TIMP2: variants seen among roughly 807,000 people sequenced by gnomAD.
TIMP2 encodes the protein metalloproteinase inhibitor 2.
In TIMP2, 5 loss-of-function variants were observed where a neutral mutation model predicts 24.3. The observed-to-expected ratio is 0.21, with a 90% CI of 0.11 to 0.43. TIMP2 has a LOEUF of 0.43. TIMP2 is among the 20% of genes least tolerant of loss of function. TIMP2 has a pLI of 1.00. For missense variants in TIMP2, 221 were observed against 297.5 expected (o/e 0.74, Z 1.89); for synonymous variants, 130 against 123.2 (o/e 1.06, Z -0.37).
intron 3 of TIMP2, among the ~76,000 whole-genome samples, chr17:78,864,403 TCCTTCCTC>T: frequency 6.9e-6 from 1 of 145,722 alleles, no homozygotes; most frequent in East Asian, 2.2e-4. Context: ...CTTCCTTCCT[TCCTTCCTC>T]CCTTCCTGTT....
intron 1 of TIMP2, among the ~76,000 whole-genome samples, chr17:78,880,015 A>T (rs115360218): frequency 0.015 from 2,234 of 152,020 alleles, 67 homozygotes; most frequent in African/African-American, 0.051. Context: ...CCCCTGGAAA[A>T]CCATCAGAGG....
At chr17:78,860,052 T>G (rs558075321) in intron 3 of TIMP2, among the ~76,000 whole-genome samples, 1 of 152,196 alleles carries the variant, frequency 6.6e-6, no homozygotes, top group African/African-American at 2.4e-5. Flanking sequence ...GGCGGGTGCC[T>G]GTAGTCCCAG....
Position 78,920,736 on chromosome 17 carries a change from T to C in TIMP2, c.130+4223A>G, listed in dbSNP as rs2070302698. ...TTTCGAAAGTTTATCTGTTGTTAATTATTTACCGAAACCACACTGAGTGGA... is the reference window on the plus strand; with the variant it reads ...TTTCGAAAGTTTATCTGTTGTTAATCATTTACCGAAACCACACTGAGTGGA... On this transcript the variant is annotated intron_variant, in intron 1 of 4. Coordinates refer to ENST00000262768, the MANE Select transcript of TIMP2 (RefSeq NM_003255.5). This position sits in a 1 kb window ranked among gnomAD's most constrained non-coding sequence, Gnocchi z 4.5. 6.6e-6 allele frequency among the ~76,000 whole-genome samples: 1 copy of C among 152,166 alleles called. No homozygotes were observed. Among genetic ancestry groups the C allele is most frequent in the Non-Finnish European group, 1.5e-5 (1 of 68,040 alleles).
intron 1 of TIMP2, among the ~76,000 whole-genome samples, chr17:78,893,894 C>T (rs2069958176): frequency 1.3e-5 from 2 of 152,096 alleles, no homozygotes; most frequent in Non-Finnish European, 2.9e-5. Context: ...TCTGTTGCCA[C>T]GGGTAGCTGA....
At chr17:78,857,727 C>T (rs1051239536) in intron 3 of TIMP2, 81 bp from the exon 4 acceptor site, 8 of 1,578,922 alleles carry the variant, frequency 5.1e-6, no homozygotes, top group Admixed American at 1.7e-5. Flanking sequence ...GGCGCAGGGG[C>T]GCTGGGATTT....
At chr17:78,890,878 CCTCT>C (rs1395357221) in intron 1 of TIMP2, 1 of 1,550,638 alleles carries the variant, frequency 6.4e-7, no homozygotes, top group South Asian at 1.2e-5. Context: ...TTTGCTCCCT[CCTCT>C]CTTTTTCTAG....
intron 1 of TIMP2, among the ~76,000 whole-genome samples, chr17:78,914,445 G>C (rs956690079): frequency 1.3e-5 from 2 of 151,882 alleles, no homozygotes; most frequent in Non-Finnish European, 2.9e-5. Context: ...ACCATGCCCG[G>C]CTAATTTTTG....
In TIMP2 at chr17:78,891,779, G is replaced by C. The variant is rs913990835; in HGVS notation, c.131-17860C>G. On this transcript the variant is annotated intron_variant, in intron 1 of 4. Transcript: ENST00000262768. This position sits in a 1 kb window ranked among gnomAD's most constrained non-coding sequence, Gnocchi z 4.5. ...TAGGTCCGCCCCTTTGCTCCTCCGAGGATGGATGGCACAGCGGCCACCCCC... is the reference window on the plus strand; with the variant it reads ...TAGGTCCGCCCCTTTGCTCCTCCGACGATGGATGGCACAGCGGCCACCCCC... The C allele has an allele frequency of 6.4e-7, 1 of 1,551,178 alleles. No homozygotes were observed.
intron 1 of TIMP2, among the ~76,000 whole-genome samples, chr17:78,885,519 G>T (rs973680502): frequency 6.6e-6 from 1 of 152,208 alleles, no homozygotes; most frequent in South Asian, 2.1e-4. Flanking sequence ...CAAGGGCTGG[G>T]GTGTGAGTCC....
chr17:78,901,866 C>G, intron 1 of TIMP2: 1 of 699,962 alleles, frequency 1.4e-6, no homozygotes, highest in Non-Finnish European at 2.7e-6. Flanking sequence ...GCAGGAAGCA[C>G]TGTCTCCAGG....
rs1307777867 is a variant in TIMP2, at chr17:78,924,754, A to G, written c.130+205T>C. Reference sequence around the variant, plus strand: ...TTGAGGTTGAGACGCATCTCGGCAAAGAGAGGGAAAGAAAGGGAGAGGAGG... The same window carrying G: ...TTGAGGTTGAGACGCATCTCGGCAAGGAGAGGGAAAGAAAGGGAGAGGAGG... On this transcript the variant is annotated intron_variant, in intron 1 of 4. Coordinates refer to ENST00000262768, the MANE Select transcript of TIMP2 (RefSeq NM_003255.5). This position sits in a 1 kb window ranked among gnomAD's most constrained non-coding sequence, Gnocchi z 5.3. Among the ~76,000 whole-genome samples the G allele has an allele frequency of 6.6e-6, 1 of 151,934 alleles. No homozygotes were observed. Among genetic ancestry groups the G allele is most frequent in the East Asian group, 1.9e-4 (1 of 5,134 alleles).
Position 78,853,707 on chromosome 17 carries a change from A to G in TIMP2, c.*1960T>C, listed in dbSNP as rs2069501847. ...CAGAAACCTTTTTTTAAAAAAGTGC[A>G]AGTCTAATACCTACCAAGGGTAATA... is the stretch of plus-strand genomic sequence containing the variant. On this transcript the variant is annotated 3_prime_UTR_variant, in exon 5 of 5. Transcript: ENST00000262768. 6.6e-6 allele frequency: 1 copy of G among 152,626 alleles called. No homozygotes were observed. The allele number at this position is 152,626 out of a possible 1,614,324, so 9.5% of individuals were successfully genotyped here.
chr17:78,868,026 C>T (rs2069633292), intron 3 of TIMP2, among the ~76,000 whole-genome samples: 2 of 152,316 alleles, frequency 1.3e-5, no homozygotes, highest in Admixed American at 6.5e-5. Context: ...CCAAGGATCT[C>T]ACCGTGGGAA....
chr17:78,915,817 G>A (rs755681306), intron 1 of TIMP2, among the ~76,000 whole-genome samples: 3 of 152,130 alleles, frequency 2.0e-5, no homozygotes, highest in Admixed American at 6.5e-5. Flanking sequence ...CACCGTGCCC[G>A]GCCTAAAAAC....
chr17:78,893,438 T>TGC (rs145181894), intron 1 of TIMP2, among the ~76,000 whole-genome samples: 2 of 144,934 alleles, frequency 1.4e-5, no homozygotes, highest in African/African-American at 5.2e-5. Flanking sequence ...CAGGGGTGTG[T>TGC]GCGTGGGGCT....
chr17:78,901,965 C>T, intron 1 of TIMP2: 1 of 592,250 alleles, frequency 1.7e-6, no homozygotes, highest in Non-Finnish European at 3.1e-6. Flanking sequence ...AAACAAACAT[C>T]AGAAACATTT....
intron 3 of TIMP2, among the ~76,000 whole-genome samples, chr17:78,864,880 C>T (rs1011007215): frequency 4.0e-5 from 6 of 151,776 alleles, no homozygotes. Context: ...GATGAAACCC[C>T]GTCTCTACTA....
chr17:78,889,226 T>C (rs774813611), intron 1 of TIMP2, among the ~76,000 whole-genome samples: 9 of 152,236 alleles, frequency 5.9e-5, no homozygotes, highest in Non-Finnish European at 1.2e-4. Flanking sequence ...TGCCTGTCCC[T>C]AAGACTGCAA....
chr17:78,858,446 C>CA (rs2069542763), intron 3 of TIMP2, among the ~76,000 whole-genome samples: 1 of 149,502 alleles, frequency 6.7e-6, no homozygotes, highest in Non-Finnish European at 1.5e-5. Flanking sequence ...GAGACTCAGT[C>CA]TAAAAAAAAA....
Sources: gnomAD v4.1 joint callset for allele counts (sites outside exome capture counted in the v4.1 genomes callset) on GRCh38, gnomAD v4.1.1 for gene constraint, Gnocchi (gnomAD v3.1) non-coding constraint, MANE v1.5 for transcripts, NCBI Gene and HGNC (gene_info 2026-07-23, HGNC 2026-07-21) for gene names.